DENND1A: variants seen among roughly 807,000 people sequenced by gnomAD.
The protein encoded by DENND1A is DENN domain-containing protein 1A.
Under a neutral mutation model 113.7 loss-of-function variants are expected in DENND1A, and 51 were observed. That is an observed-to-expected ratio of 0.45 (90% CI 0.36 to 0.57). DENND1A has a LOEUF of 0.57. DENND1A is among the 20% of genes least tolerant of loss of function. The pLI, the probability that DENND1A is intolerant of heterozygous loss-of-function variation, is 0.00. For synonymous variants in DENND1A, 565 were observed against 570.8 expected (o/e 0.99, Z 0.14); for missense variants, 1,258 against 1,395.9 (o/e 0.90, Z 1.57).
chr9:123,642,900 G>A (rs556498763), intron 9 of DENND1A, among the ~76,000 whole-genome samples: 1 of 152,200 alleles, frequency 6.6e-6, no homozygotes, highest in African/African-American at 2.4e-5. Context: ...ACAGGCTGGC[G>A]TCAACATGAC....
intron 5 of DENND1A, among the ~76,000 whole-genome samples, chr9:123,699,002 T>A (rs2065701975): frequency 6.6e-6 from 1 of 151,946 alleles, no homozygotes; most frequent in Non-Finnish European, 1.5e-5. Flanking sequence ...GGTATTGGAA[T>A]AAAAGACAAT....
chr9:123,818,294 C>T (rs1195394509), intron 2 of DENND1A, among the ~76,000 whole-genome samples: 1 of 151,684 alleles, frequency 6.6e-6, no homozygotes, highest in African/African-American at 2.4e-5. Context: ...TTAGTACAGA[C>T]GGGGTTTCAC....
rs996963573 is a variant in DENND1A, at chr9:123,380,066, CAT to C, written c.*1364_*1365del. ...TGTGCAGCAGTGGCAGCCTCTCAGA[CAT>C]AGAGGGGGCTCCCTGGGTGACATCT... On this transcript the variant is annotated 3_prime_UTR_variant, in exon 24 of 24. Transcript: ENST00000394215. 2 of 152,048 alleles carry C rather than the reference CAT, an allele frequency of 1.3e-5. No individual in the cohort carries two copies. Among genetic ancestry groups the C allele is most frequent in the Non-Finnish European group, 2.9e-5 (2 of 68,066 alleles). 9.4% of individuals were successfully genotyped at this position (152,048 alleles called of 1,614,324 possible). A position where few individuals can be genotyped will look rare whatever the true frequency, so the allele number is the denominator to read the frequency against.
chr9:123,674,923 A>G (rs867890603), intron 6 of DENND1A, among the ~76,000 whole-genome samples: 1 of 151,246 alleles, frequency 6.6e-6, no homozygotes, highest in Non-Finnish European at 1.5e-5. Flanking sequence ...AAGAGCCTAC[A>G]TATTATACAA....
chr9:123,670,772 A>G (rs2063726952), intron 7 of DENND1A, among the ~76,000 whole-genome samples: 1 of 152,240 alleles, frequency 6.6e-6, no homozygotes, highest in South Asian at 2.1e-4. Flanking sequence ...GCTTCGAGCA[A>G]AGGAGGTAAT....
intron 21 of DENND1A, among the ~76,000 whole-genome samples, chr9:123,388,084 G>C (rs1252139174): frequency 6.6e-6 from 1 of 152,232 alleles, no homozygotes; most frequent in East Asian, 1.9e-4. Context: ...ATAGGACCTA[G>C]TAATTCCACT....
chr9:123,845,570 G>T (rs866586104), intron 2 of DENND1A, among the ~76,000 whole-genome samples: 4 of 150,622 alleles, frequency 2.7e-5, no homozygotes, highest in African/African-American at 7.4e-5. Context: ...CTTGCAAAGC[G>T]GAGGTGGGAA....
At chr9:123,522,566 G>A (rs1232082928) in intron 13 of DENND1A, among the ~76,000 whole-genome samples, 3 of 152,110 alleles carry the variant, frequency 2.0e-5, no homozygotes, top group Non-Finnish European at 4.4e-5. Context: ...TCCCCAAAAT[G>A]AATAAAGGGC....
intron 4 of DENND1A, among the ~76,000 whole-genome samples, chr9:123,762,933 A>G (rs2479106): frequency 0.43 from 64,805 of 151,984 alleles, 17,040 homozygotes; most frequent in African/African-American, 0.75. Flanking sequence ...ACTGGAAAGA[A>G]CTAGTTATGA....
At chr9:123,929,425 C>T (rs2134263357) in intron 1 of DENND1A, among the ~76,000 whole-genome samples, 1 of 152,326 alleles carries the variant, frequency 6.6e-6, no homozygotes, top group East Asian at 1.9e-4. Flanking sequence ...CCATGAGCGG[C>T]CCCTCCCTCT....
rs1298411040 is a variant in DENND1A, at chr9:123,692,829, T to TG, written c.303-16041dup. On this transcript the variant is annotated intron_variant, in intron 5 of 23. Coordinates refer to ENST00000394215, the MANE Select transcript of DENND1A (RefSeq NM_001352964.2). ...ACCAGTTCTGTGCTCTGGGCCATTTTGGGGATGAAAATGAAAATATCTGGT... is the reference window on the plus strand; with the variant it reads ...ACCAGTTCTGTGCTCTGGGCCATTTTGGGGGATGAAAATGAAAATATCTGGT... Among the ~76,000 whole-genome samples, 7 of 152,190 alleles carry TG rather than the reference T, an allele frequency of 4.6e-5. No homozygotes were observed. In the East Asian group the frequency reaches 1.3e-3, roughly 29 times the overall value.
intron 21 of DENND1A, among the ~76,000 whole-genome samples, chr9:123,395,504 G>C (rs539164147): frequency 7.4e-5 from 9 of 121,290 alleles, no homozygotes; most frequent in Non-Finnish European, 1.6e-4. Flanking sequence ...GACAGAGAGA[G>C]AGAGAGAGAG....
chr9:123,857,666 G>C (rs1490168091), intron 2 of DENND1A, among the ~76,000 whole-genome samples: 1 of 152,086 alleles, frequency 6.6e-6, no homozygotes, highest in Non-Finnish European at 1.5e-5. Flanking sequence ...CTAATCATAA[G>C]GAAACACCAG....
rs147775429 is a variant in DENND1A at position 123,576,581 on chromosome 9, C to A, written c.867+6588G>T. On this transcript the variant is annotated intron_variant, in intron 12 of 23. Coordinates refer to ENST00000394215, the MANE Select transcript of DENND1A (RefSeq NM_001352964.2). ...TGGGGCAGCCTCGGCTCACTGAAAT[C>A]TCTGCCTCCTGGGTTCAAGCGATTC... is the stretch of plus-strand genomic sequence containing the variant. 4.2e-3 allele frequency among the ~76,000 whole-genome samples: 640 copies of A among 152,200 alleles called. 5 individuals are homozygous for A. Among genetic ancestry groups the A allele is most frequent in the African/African-American group, 0.015 (618 of 41,510 alleles).
intron 12 of DENND1A, among the ~76,000 whole-genome samples, chr9:123,574,063 C>A (rs2058500059): frequency 6.6e-6 from 1 of 151,094 alleles, no homozygotes; most frequent in South Asian, 2.1e-4. Context: ...ATTTAGCCAA[C>A]CTGTATTCAC....
intron 12 of DENND1A, among the ~76,000 whole-genome samples, chr9:123,580,492 C>G (rs2058836335): frequency 6.6e-6 from 1 of 152,234 alleles, no homozygotes; most frequent in Non-Finnish European, 1.5e-5. Flanking sequence ...AGCACAGGGT[C>G]AGAGCAGTGC....
chr9:123,775,796 G>A (rs1830388687), intron 3 of DENND1A, among the ~76,000 whole-genome samples: 1 of 152,158 alleles, frequency 6.6e-6, no homozygotes, highest in Admixed American at 6.5e-5. Context: ...TACACGGGAG[G>A]AGGCTCCAAG....
intron 13 of DENND1A, among the ~76,000 whole-genome samples, chr9:123,549,634 T>C (rs1275575853): frequency 4.6e-5 from 7 of 152,052 alleles, no homozygotes; most frequent in South Asian, 2.1e-4. Context: ...ACTTATAATA[T>C]CAAAAGACTG....
At chr9:123,769,444 A>G in intron 4 of DENND1A, 70 bp downstream of exon 4, 1 of 1,317,026 alleles carries the variant, frequency 7.6e-7, no homozygotes, top group Non-Finnish European at 1.1e-6. Context: ...TAAGAATGGT[A>G]TGGTTTTTAT....
Sources: gnomAD v4.1 joint callset for allele counts (sites outside exome capture counted in the v4.1 genomes callset) on GRCh38, gnomAD v4.1.1 for gene constraint, MANE v1.5 for transcripts, NCBI Gene and HGNC (gene_info 2026-07-23, HGNC 2026-07-21) for gene names.